The following MAPK14 variants were observed in gnomAD, a reference collection of about 807,000 sequenced individuals.
The protein encoded by MAPK14 is CSAID-binding protein.
A neutral mutation model predicts 49.6 loss-of-function variants in MAPK14; 16 were observed. The observed-to-expected ratio is 0.32, with a 90% confidence interval of 0.22 to 0.49. The LOEUF (loss-of-function observed/expected upper bound fraction) is 0.49. Ranked by LOEUF, MAPK14 falls within the 20% of genes least tolerant of loss-of-function variation. The probability of loss-of-function intolerance (pLI) is 0.99; values close to 1 mark genes in which losing one functional copy is unlikely to be tolerated. For missense variants in MAPK14, 200 were observed against 441.2 expected, an observed-to-expected ratio of 0.45 and a Z score of 4.90; for synonymous variants, 142 against 158.0, an observed-to-expected ratio of 0.90 and a Z score of 0.76.
the MAPK14 span, among the ~76,000 whole-genome samples, chr6:36,123,509 G>A: frequency 1.3e-5 from 2 of 152,290 alleles, no homozygotes. Context: ...TTGCTTACTC[G>A]GTCCCACCAT....
At chr6:36,037,370 A>G (rs766162563) in intron 1 of MAPK14, among the ~76,000 whole-genome samples, 11 of 152,164 alleles carry the variant, frequency 7.2e-5, no homozygotes, top group South Asian at 2.1e-4. Context: ...ACAAATGGAT[A>G]CTGGGTTTTG....
intron 3 of MAPK14, among the ~76,000 whole-genome samples, chr6:36,059,666 G>T (rs1375369955): frequency 1.3e-5 from 2 of 151,714 alleles, no homozygotes; most frequent in African/African-American, 2.4e-5. Flanking sequence ...GTTTGGTTTT[G>T]TTGTTGTTGT....
intron 1 of MAPK14, among the ~76,000 whole-genome samples, chr6:36,050,734 C>T (rs765021000): frequency 2.6e-5 from 4 of 152,260 alleles, no homozygotes; most frequent in African/African-American, 4.8e-5. Context: ...GAAGTGGTAA[C>T]GGCTGCCAAG....
At chr6:36,061,402 C>T (rs934730002) in intron 3 of MAPK14, among the ~76,000 whole-genome samples, 2 of 152,186 alleles carry the variant, frequency 1.3e-5, no homozygotes, top group Non-Finnish European at 2.9e-5. Flanking sequence ...TGTTTGGCTC[C>T]TTCATCCATG....
intron 1 of MAPK14, among the ~76,000 whole-genome samples, chr6:36,048,521 A>G (rs992858513): frequency 9.2e-5 from 14 of 152,168 alleles, no homozygotes; most frequent in Non-Finnish European, 1.5e-4. Flanking sequence ...TTTGGAAAGC[A>G]TATTAGAAGG....
At chr6:36,088,029 G>A (rs1765058988) in intron 8 of MAPK14, among the ~76,000 whole-genome samples, 2 of 152,110 alleles carry the variant, frequency 1.3e-5, no homozygotes, top group African/African-American at 4.8e-5. Context: ...AATGGGGAAA[G>A]GATTCCCTAT....
downstream of MAPK14, among the ~76,000 whole-genome samples, chr6:36,115,096 G>A (rs1766037526): frequency 6.6e-6 from 1 of 152,234 alleles, no homozygotes; most frequent in South Asian, 2.1e-4. Flanking sequence ...TGAAGCCATA[G>A]GCTGTGGTCT....
chr6:36,036,854 C>T (rs1016121593), intron 1 of MAPK14, among the ~76,000 whole-genome samples: 1 of 152,180 alleles, frequency 6.6e-6, no homozygotes, highest in African/African-American at 2.4e-5. Context: ...AATTCTCCCA[C>T]CTTAGCCTCC....
intron 2 of MAPK14, among the ~76,000 whole-genome samples, chr6:36,057,960 A>C (rs1163336837): frequency 6.6e-6 from 1 of 152,134 alleles, no homozygotes; most frequent in Non-Finnish European, 1.5e-5. Flanking sequence ...TCAATGCCTA[A>C]CTTTGTAGAA....
intron 9 of MAPK14, among the ~76,000 whole-genome samples, chr6:36,101,680 A>G (rs1271151124): frequency 1.3e-5 from 2 of 151,770 alleles, no homozygotes; most frequent in African/African-American, 4.8e-5. Flanking sequence ...CACCTGGCTA[A>G]TTTTTTGTAT....
At chr6:36,089,878 A>G (rs548460394) in intron 8 of MAPK14, among the ~76,000 whole-genome samples, 1 of 152,246 alleles carries the variant, frequency 6.6e-6, no homozygotes, top group Non-Finnish European at 1.5e-5. Context: ...CTGCAGCTTA[A>G]GGAAGAGAGA....
At chr6:36,048,780 C>G (rs1428332943) in intron 1 of MAPK14, among the ~76,000 whole-genome samples, 1 of 152,146 alleles carries the variant, frequency 6.6e-6, no homozygotes, top group Non-Finnish European at 1.5e-5. Flanking sequence ...GCTTCAGGTG[C>G]TTATGTGTCT....
At chr6:36,116,510 C>A in the MAPK14 span, among the ~76,000 whole-genome samples, 5 of 152,140 alleles carry the variant, frequency 3.3e-5, no homozygotes, top group African/African-American at 1.2e-4. Flanking sequence ...TAGTTTTTTC[C>A]ACCTTCATGA....
At chr6:36,040,218 T>C (rs1332904332) in intron 1 of MAPK14, among the ~76,000 whole-genome samples, 1 of 152,138 alleles carries the variant, frequency 6.6e-6, no homozygotes, top group Non-Finnish European at 1.5e-5. Flanking sequence ...CAGTGTAGTA[T>C]GTTTAGCAGC....
chr6:36,106,053 C>T (rs1316393627), intron 10 of MAPK14, among the ~76,000 whole-genome samples: 2 of 152,094 alleles, frequency 1.3e-5, no homozygotes, highest in Non-Finnish European at 2.9e-5. Flanking sequence ...CAAAATATCC[C>T]GCAGATTACT....
intron 9 of MAPK14, 176 bp downstream of exon 9, chr6:36,096,242 C>T: frequency 1.9e-6 from 1 of 535,030 alleles, no homozygotes; most frequent in Admixed American, 3.6e-5. Flanking sequence ...CGCATGTGTG[C>T]CTGCTTGCAT....
At position 36,110,266 on chromosome 6, in the gene MAPK14, G is replaced by A. The variant is rs1307359312; in HGVS notation, c.*1819G>A. 1.3e-5 allele frequency: 2 copies of A among 152,590 alleles called. No homozygotes were observed. Among genetic ancestry groups the A allele is most frequent in the East Asian group, 1.9e-4 (1 of 5,190 alleles). The allele number at this position is 152,590 out of a possible 1,614,324, so 9.5% of individuals were successfully genotyped here. A position where few individuals can be genotyped will look rare whatever the true frequency, so the allele number is the denominator to read the frequency against. On this transcript the variant is annotated 3_prime_UTR_variant, in exon 12 of 12. Coordinates refer to ENST00000229794, the MANE Select transcript of MAPK14 (RefSeq NM_139012.3). ...ACATGTACTCCAGAGGGACAGGGTGGACCCCCTGAGTCAACTGGAGCAAGA... is the reference window on the plus strand; with the variant it reads ...ACATGTACTCCAGAGGGACAGGGTGAACCCCCTGAGTCAACTGGAGCAAGA...
At position 36,061,054 on chromosome 6, in the gene MAPK14, C is replaced by G. The variant is rs541772499; in HGVS notation, c.305+1707C>G. Among the ~76,000 whole-genome samples the G allele has an allele frequency of 3.3e-5, 5 of 152,242 alleles. No individual in the cohort carries two copies. The South Asian group carries it at 1.0e-3, about 32-fold the overall frequency. ...GTATATTACAGTTTGTTGAGCCCTACTGTATGCTATAGTTGGAAAAGGGAA... is the reference window on the plus strand; with the variant it reads ...GTATATTACAGTTTGTTGAGCCCTAGTGTATGCTATAGTTGGAAAAGGGAA... On this transcript the variant is annotated intron_variant, in intron 3 of 11. Transcript: ENST00000229794.
At position 36,043,364 on chromosome 6, in the gene MAPK14, AG is replaced by A. The variant is rs368447731; in HGVS notation, c.117-9333del. On this transcript the variant is annotated intron_variant, in intron 1 of 11. Transcript: ENST00000229794. ...ATAATTTTAATTTTTCTATTTCACT[AG>A]GTTTGAAGAATATTTTTTGAGGTTC... is the stretch of plus-strand genomic sequence containing the variant. Among the ~76,000 whole-genome samples the A allele has an allele frequency of 1.0e-3, 159 of 152,282 alleles. 1 individual carries two copies. Among genetic ancestry groups the A allele is most frequent in the African/African-American group, 3.7e-3 (155 of 41,558 alleles).
Sources: allele counts gnomAD v4.1 joint callset (sites outside exome capture counted in the v4.1 genomes callset), GRCh38; gene constraint gnomAD v4.1.1; transcripts MANE v1.5; gene names NCBI Gene and HGNC (gene_info 2026-07-23, HGNC 2026-07-21).